STXBP5: variants seen among roughly 807,000 people sequenced by gnomAD.
STXBP5 encodes the protein syntaxin binding protein 5.
In STXBP5, 50 loss-of-function variants were observed where a neutral mutation model predicts 152.4. That is an observed-to-expected ratio of 0.33 (90% CI 0.26 to 0.42). STXBP5 has a LOEUF of 0.42. STXBP5 is among the 10% of genes least tolerant of loss of function. The pLI, the probability that STXBP5 is intolerant of heterozygous loss-of-function variation, is 1.00. For missense variants in STXBP5, 1,167 were observed against 1,388.6 expected, an observed-to-expected ratio of 0.84 and a Z score of 2.54; for synonymous variants, 492 against 494.7, an observed-to-expected ratio of 0.99 and a Z score of 0.07.
At chr6:147,224,589 A>G (rs1777617832) in intron 2 of STXBP5, among the ~76,000 whole-genome samples, 1 of 152,228 alleles carries the variant, frequency 6.6e-6, no homozygotes, top group Non-Finnish European at 1.5e-5. Flanking sequence ...GTTATTACAG[A>G]TCATTTAATG....
chr6:147,302,418 A>G (rs1028018912), intron 9 of STXBP5, among the ~76,000 whole-genome samples: 16 of 152,194 alleles, frequency 1.1e-4, no homozygotes, highest in African/African-American at 3.6e-4. Context: ...GATGAGAATG[A>G]TAACAGAAGG....
chr6:147,389,935 A>G lies in STXBP5; in HGVS notation c.*5180A>G, dbSNP rs1213121305. 3.3e-5 allele frequency: 5 copies of G among 151,966 alleles called. No individual in the cohort carries two copies. The highest frequency in any genetic ancestry group is 7.2e-5 in the African/African-American group (3 of 41,498). 9.4% of individuals were successfully genotyped at this position (151,966 alleles called of 1,614,324 possible). A position where few individuals can be genotyped will look rare whatever the true frequency, so the allele number is the denominator to read the frequency against. On this transcript the variant is annotated 3_prime_UTR_variant, in exon 28 of 28. Transcript: ENST00000321680. ...AACACTTTTGCTTTCTAGTTATACTATTGGTTCATTGTAAATGCATTACCA... is the reference window on the plus strand; with the variant it reads ...AACACTTTTGCTTTCTAGTTATACTGTTGGTTCATTGTAAATGCATTACCA...
chr6:147,314,474 C>A, intron 13 of STXBP5, 122 bp from the exon 14 acceptor site: 1 of 1,298,480 alleles, frequency 7.7e-7, no homozygotes, highest in Admixed American at 2.2e-5. Flanking sequence ...TAAGAACCTG[C>A]CAGTTTACCC....
intron 23 of STXBP5, among the ~76,000 whole-genome samples, 200 bp from the exon 24 acceptor site, chr6:147,363,135 A>G (rs1188263832): frequency 1.3e-5 from 2 of 152,220 alleles, no homozygotes; most frequent in Non-Finnish European, 2.9e-5. Flanking sequence ...GCATTTATCT[A>G]TTTGGAGCAT....
chr6:147,363,696 G>T lies in STXBP5; in HGVS notation c.2907G>T (p.Met969Ile). 6.2e-7 allele frequency: 1 copy of T among 1,608,156 alleles called. No homozygotes were observed. The highest frequency in any genetic ancestry group is 1.7e-5 in the Admixed American group (1 of 59,234). Residue 969 changes from methionine to isoleucine, a missense_variant, in exon 24 of 28, where the codon ATG becomes ATT. Transcript: ENST00000321680. ...LACFCANGHI[M>I]TFSLPSLRPL... ...GTTTCTGTGCCAATGGACATATAAT[G>T]ACTTTTAGGTAAGAGTTAGATATGT...
At chr6:147,242,616 C>G (rs1227871348) in intron 4 of STXBP5, among the ~76,000 whole-genome samples, 1 of 152,168 alleles carries the variant, frequency 6.6e-6, no homozygotes, top group Non-Finnish European at 1.5e-5. Flanking sequence ...TACACAGATA[C>G]TTAACCTTTG....
intron 9 of STXBP5, among the ~76,000 whole-genome samples, chr6:147,297,880 A>G (rs1781608436): frequency 6.6e-6 from 1 of 152,072 alleles, no homozygotes; most frequent in African/African-American, 2.4e-5. Flanking sequence ...AGAAAGAGAA[A>G]GGAATCAAAA....
At chr6:147,275,621 AGTC>A (rs1324650855) in intron 7 of STXBP5, among the ~76,000 whole-genome samples, 1 of 131,432 alleles carries the variant, frequency 7.6e-6, no homozygotes, top group Non-Finnish European at 1.5e-5. Flanking sequence ...GCAGTGGCAC[AGTC>A]TCAGCTCACT....
intron 2 of STXBP5, among the ~76,000 whole-genome samples, chr6:147,213,432 A>ATGTGTGTGTGTG (rs774370865): frequency 8.3e-6 from 1 of 121,006 alleles, no homozygotes; most frequent in African/African-American, 3.6e-5. Context: ...ATAATTTTAT[A>ATGTGTGTGTGTG]TATGTGTGTG....
intron 17 of STXBP5, 72 bp downstream of exon 17, chr6:147,325,156 A>G (rs1024109543): frequency 7.7e-7 from 1 of 1,303,846 alleles, no homozygotes; most frequent in Non-Finnish European, 9.9e-7. Flanking sequence ...TTAAAAATAG[A>G]AAGGATGGTC....
chr6:147,277,577 C>G (rs984758862), intron 7 of STXBP5, among the ~76,000 whole-genome samples: 3 of 152,022 alleles, frequency 2.0e-5, no homozygotes, highest in African/African-American at 7.2e-5. Flanking sequence ...AAAATTGCCT[C>G]AGTAATTACT....
intron 9 of STXBP5, among the ~76,000 whole-genome samples, chr6:147,299,799 A>G (rs969983583): frequency 2.0e-5 from 3 of 152,040 alleles, no homozygotes; most frequent in African/African-American, 7.2e-5. Flanking sequence ...TCTGTCCAAC[A>G]TAGTACTGGA....
chr6:147,204,742 G>A lies in STXBP5; in HGVS notation c.150+60G>A, dbSNP rs1776450190. On this transcript the variant is annotated intron_variant, in intron 1 of 27. Coordinates refer to ENST00000321680, the MANE Select transcript of STXBP5 (RefSeq NM_001127715.4). This position sits in a 1 kb window ranked among gnomAD's most constrained non-coding sequence, Gnocchi z 4.3. ...TGAAAAATTGGGGTTGTTTTAAGGG[G>A]GCTACTCGGGCTTTACATGGGAATG... is the stretch of plus-strand genomic sequence containing the variant. 1 of 1,471,924 alleles carries A rather than the reference G, an allele frequency of 6.8e-7. No individual in the cohort carries two copies. The highest frequency in any genetic ancestry group is 9.1e-7 in the Non-Finnish European group (1 of 1,104,706). 91.2% of individuals were successfully genotyped at this position (1,471,924 alleles called of 1,614,324 possible). A position where few individuals can be genotyped will look rare whatever the true frequency, so the allele number is the denominator to read the frequency against.
At chr6:147,284,911 T>G (rs1379514706) in intron 8 of STXBP5, among the ~76,000 whole-genome samples, 2 of 152,208 alleles carry the variant, frequency 1.3e-5, no homozygotes, top group East Asian at 3.9e-4. Flanking sequence ...AAATATCACT[T>G]TAATGATAGT....
chr6:147,357,741 G>A (rs182067635), intron 22 of STXBP5, among the ~76,000 whole-genome samples: 159 of 152,186 alleles, frequency 1.0e-3, no homozygotes, highest in Non-Finnish European at 2.0e-3. Context: ...TAGGTCAAAT[G>A]AAAAGGAGAA....
At chr6:147,332,839 C>T (rs1783644132) in intron 18 of STXBP5, among the ~76,000 whole-genome samples, 1 of 152,070 alleles carries the variant, frequency 6.6e-6, no homozygotes. Flanking sequence ...TCTTCCTAGG[C>T]CTTTTTAAGA....
At chr6:147,317,071 A>G (rs531556609) in intron 16 of STXBP5, among the ~76,000 whole-genome samples, 1 of 152,354 alleles carries the variant, frequency 6.6e-6, no homozygotes, top group South Asian at 2.1e-4. Context: ...TTCAACTAGG[A>G]TAATGACGGA....
At chr6:147,275,079 A>G (rs1332179002) in intron 7 of STXBP5, among the ~76,000 whole-genome samples, 5 of 152,180 alleles carry the variant, frequency 3.3e-5, no homozygotes, top group Admixed American at 1.3e-4. Flanking sequence ...AAATTATTCT[A>G]CAAGATGCTG....
rs375945967 is a variant in STXBP5 at position 147,334,112 on chromosome 6, T to A, written c.2081-45T>A. ...TATAAATAAAAGACAAAACTGCACT[T>A]ACATAAATGTATGGGTTGATTTGTT... On this transcript the variant is annotated intron_variant, in intron 18 of 27. Coordinates refer to ENST00000321680, the MANE Select transcript of STXBP5 (RefSeq NM_001127715.4). 1.2e-5 allele frequency: 19 copies of A among 1,585,764 alleles called. No individual in the cohort carries two copies. The African/African-American group carries it at 2.6e-4, about 21-fold the overall frequency.
Sources: gnomAD v4.1 joint callset for allele counts (sites outside exome capture counted in the v4.1 genomes callset) on GRCh38, gnomAD v4.1.1 for gene constraint, Gnocchi (gnomAD v3.1) non-coding constraint, MANE v1.5 for transcripts, NCBI Gene and HGNC (gene_info 2026-07-23, HGNC 2026-07-21) for gene names.